The following UGT1A10 variants were observed in gnomAD, a reference collection of about 807,000 sequenced individuals.
UGT1A10 encodes UDP-glucuronosyltransferase 1A10.
Under a neutral mutation model 45.8 loss-of-function variants are expected in UGT1A10, and 49 were observed. The observed-to-expected ratio is 1.07, with a 90% confidence interval of 0.85 to 1.36. The LOEUF is 1.36. Among genes scored for constraint, UGT1A10 ranks in the 40% most tolerant of loss-of-function variants. The pLI, the probability that UGT1A10 is intolerant of heterozygous loss-of-function variation, is 0.00. For synonymous variants in UGT1A10, 284 were observed against 249.7 expected, an observed-to-expected ratio of 1.14 and a Z score of -1.29; for missense variants, 745 against 668.6, an observed-to-expected ratio of 1.11 and a Z score of -1.26.
At chr2:233,667,388 G>A (rs1200894144) in intron 1 of UGT1A10, among the ~76,000 whole-genome samples, 1 of 152,014 alleles carries the variant, frequency 6.6e-6, no homozygotes, top group Non-Finnish European at 1.5e-5. Context: ...AATTCAAGAT[G>A]GATTAAAGAC....
intron 1 of UGT1A10, chr2:233,671,889 T>C (rs935790612): frequency 1.3e-6 from 2 of 1,563,592 alleles, no homozygotes; most frequent in East Asian, 2.2e-5. Flanking sequence ...TACTGTATCA[T>C]AGGAGCTTAG....
chr2:233,688,542 C>T lies in UGT1A10; in HGVS notation c.855+51165C>T, dbSNP rs561616482. ...CCTAGAGTGGGTTTGACTTACATCA[C>T]ATGGTCTCTAATCCCTCAGCAAACA... is the stretch of plus-strand genomic sequence containing the variant. On this transcript the variant is annotated intron_variant, in intron 1 of 4. Coordinates refer to ENST00000344644, the MANE Select transcript of UGT1A10 (RefSeq NM_019075.4). Among the ~76,000 whole-genome samples, 94 of 152,312 alleles carry T rather than the reference C, an allele frequency of 6.2e-4. 1 individual carries two copies. The highest frequency in any genetic ancestry group is 1.3e-3 in the Non-Finnish European group (86 of 68,032).
intron 1 of UGT1A10, among the ~76,000 whole-genome samples, chr2:233,652,989 G>A (rs541338242): frequency 2.3e-4 from 35 of 152,302 alleles, no homozygotes; most frequent in African/African-American, 7.7e-4. Context: ...ACACTTTTGT[G>A]TGTCAAGGAC....
Position 233,747,767 on chromosome 2 carries a change from A to G in UGT1A10, c.856-19267A>G, listed in dbSNP as rs1240243146. 273 of 1,613,386 alleles carry G rather than the reference A, an allele frequency of 1.7e-4. 1 individual carries two copies. The South Asian group carries it at 2.9e-3, about 17-fold the overall frequency. On this transcript the variant is annotated intron_variant, in intron 1 of 4. Coordinates refer to ENST00000344644, the MANE Select transcript of UGT1A10 (RefSeq NM_019075.4). ...CATGTGATTTAGACTTTAAGGGCAC[A>G]CAGTGTCCAAATCCTTCCTCCTATA... is the stretch of plus-strand genomic sequence containing the variant.
chr2:233,682,323 A>G lies in UGT1A10; in HGVS notation c.855+44946A>G, dbSNP rs56385016. ...TTTTCAAATTGCAGGAGTTTGTTTA[A>G]TGACCGAAAATTAGTAGAATACTTA... On this transcript the variant is annotated intron_variant, in intron 1 of 4. Transcript: ENST00000344644. 8.4e-3 allele frequency: 13,601 copies of G among 1,614,124 alleles called. 82 individuals are homozygous for G. Among genetic ancestry groups the G allele is most frequent in the Non-Finnish European group, 9.8e-3 (11,581 of 1,180,010 alleles).
chr2:233,649,120 T>C, intron 1 of UGT1A10: 1 of 731,420 alleles, frequency 1.4e-6, no homozygotes, highest in Non-Finnish European at 1.9e-6. Context: ...TTTGTGTTTG[T>C]TGCATCTAAA....
At chr2:233,753,812 C>G (rs1215022778) in intron 1 of UGT1A10, among the ~76,000 whole-genome samples, 1 of 152,152 alleles carries the variant, frequency 6.6e-6, no homozygotes, top group Non-Finnish European at 1.5e-5. Flanking sequence ...AGTTGGAGAA[C>G]CACGTTAGGG....
chr2:233,648,065 C>A lies in UGT1A10; in HGVS notation c.855+10688C>A, dbSNP rs145242971. On this transcript the variant is annotated intron_variant, in intron 1 of 4. Transcript: ENST00000344644. ...TCACTGAATTGCACAGTGAAGACTT[C>A]TTCAACCTTATACACCCTGGAGGAT... The A allele has an allele frequency of 5.6e-3, 8,753 of 1,566,478 alleles. 290 individuals are homozygous for A. In the African/African-American group the frequency reaches 0.067, roughly 12 times the overall value.
chr2:233,715,162 A>G (rs1420299748), intron 1 of UGT1A10, among the ~76,000 whole-genome samples: 3 of 152,214 alleles, frequency 2.0e-5, no homozygotes, highest in Non-Finnish European at 1.5e-5. Flanking sequence ...CTGGAATTAC[A>G]GGCGCGAGCC....
In UGT1A10 at chr2:233,769,413, T is replaced by A; in HGVS notation, c.1295+974T>A. 1 of 1,369,868 alleles carries A rather than the reference T, an allele frequency of 7.3e-7. No homozygotes were observed. Among genetic ancestry groups the A allele is most frequent in the Non-Finnish European group, 1.0e-6 (1 of 976,294 alleles). 84.9% of individuals were successfully genotyped at this position (1,369,868 alleles called of 1,614,324 possible). Reference sequence around the variant, plus strand: ...ACTGTGTGCATATGTGCGTGTGCGTTTGTGCATGTGGCTGTGCTCATGTGT... The same window carrying A: ...ACTGTGTGCATATGTGCGTGTGCGTATGTGCATGTGGCTGTGCTCATGTGT... On this transcript the variant is annotated intron_variant, in intron 4 of 4. Coordinates refer to ENST00000344644, the MANE Select transcript of UGT1A10 (RefSeq NM_019075.4). The surrounding 1 kb of genome is among the most constrained non-coding windows in gnomAD (Gnocchi z 4.4).
rs2073324286 is a variant in UGT1A10, at chr2:233,637,337, T to C, written c.815T>C (p.Ile272Thr). 4 of 1,613,942 alleles carry C rather than the reference T, an allele frequency of 2.5e-6. No homozygotes were observed. Among genetic ancestry groups the C allele is most frequent in the Middle Eastern group, 1.7e-4 (1 of 6,056 alleles). Residue 272 changes from isoleucine to threonine, a missense_variant, in exon 1 of 5, where the codon ATT becomes ACT. Ile to Thr is a moderately conservative substitution (Grantham distance 89, BLOSUM62 -1). Transcript: ENST00000344644. ...CCCGTGATGCCCAACATGATCTTCA[T>C]TGGTGGTATCAACTGTCATCAGGGA... ...PKPVMPNMIF[I>T]GGINCHQGKP...
In UGT1A10 at chr2:233,713,451, T is replaced by G. The variant is rs779404172; in HGVS notation, c.856-53583T>G. 4.3e-5 allele frequency: 69 copies of G among 1,614,108 alleles called. 1 individual carries two copies. The highest frequency in any genetic ancestry group is 3.4e-4 in the South Asian group (31 of 91,046). On this transcript the variant is annotated intron_variant, in intron 1 of 4. Coordinates refer to ENST00000344644, the MANE Select transcript of UGT1A10 (RefSeq NM_019075.4). ...CTTTGATGTGGTTCTAACAGACCCC[T>G]TTCACCTCTGCGCGGCGGTGCTGGC...
At chr2:233,747,665 A>G in intron 1 of UGT1A10, 5 of 1,601,138 alleles carry the variant, frequency 3.1e-6, no homozygotes, top group Non-Finnish European at 4.3e-6. Context: ...TGGTTTTAAT[A>G]GACCCAATTT....
At chr2:233,757,541 T>TAC (rs1553619873) in intron 1 of UGT1A10, among the ~76,000 whole-genome samples, 2 of 117,592 alleles carry the variant, frequency 1.7e-5, no homozygotes, top group African/African-American at 7.2e-5. Context: ...AAGGAATATA[T>TAC]ATATATATAT....
chr2:233,737,526 G>A (rs574961545), intron 1 of UGT1A10, among the ~76,000 whole-genome samples: 8 of 152,286 alleles, frequency 5.3e-5, no homozygotes, highest in East Asian at 3.9e-4. Context: ...GTGAGGCGAC[G>A]CCCTGCCCTG....
chr2:233,714,236 G>A (rs560631891), intron 1 of UGT1A10, among the ~76,000 whole-genome samples: 1 of 152,282 alleles, frequency 6.6e-6, no homozygotes, highest in South Asian at 2.1e-4. Flanking sequence ...ATTTTCAGTA[G>A]AAAGGAGGAA....
In UGT1A10 at chr2:233,643,761, G is replaced by T. The variant is rs28969986; in HGVS notation, c.855+6384G>T. ...GTTCCAAGGTCTCTTCAGTTAGCAG[G>T]CGATGAACGCTGGCAGGACTGGGCC... On this transcript the variant is annotated intron_variant, in intron 1 of 4. Coordinates refer to ENST00000344644, the MANE Select transcript of UGT1A10 (RefSeq NM_019075.4). Among the ~76,000 whole-genome samples the T allele has an allele frequency of 8.3e-3, 1,258 of 152,214 alleles. 22 individuals are homozygous for T. The highest frequency in any genetic ancestry group is 0.028 in the African/African-American group (1,173 of 41,544).
At chr2:233,720,401 G>T (rs2076855672) in intron 1 of UGT1A10, among the ~76,000 whole-genome samples, 1 of 152,026 alleles carries the variant, frequency 6.6e-6, no homozygotes, top group African/African-American at 2.4e-5. Flanking sequence ...ATCAAGAGTG[G>T]GTGGAAGGGA....
intron 1 of UGT1A10, chr2:233,712,880 A>G (rs1299696609): frequency 5.6e-6 from 9 of 1,597,918 alleles, no homozygotes; most frequent in Admixed American, 1.7e-5. Flanking sequence ...TCTGTCTTCA[A>G]TTACATGTTG....
Sources: gnomAD v4.1 joint callset for allele counts (sites outside exome capture counted in the v4.1 genomes callset) on GRCh38, gnomAD v4.1.1 for gene constraint, Gnocchi (gnomAD v3.1) non-coding constraint, MANE v1.5 for transcripts, NCBI Gene and HGNC (gene_info 2026-07-23, HGNC 2026-07-21) for gene names.